The following PDCD6 variants were observed in gnomAD, a reference collection of about 807,000 sequenced individuals.
The protein encoded by PDCD6 is programmed cell death 6.
A neutral mutation model predicts 28.3 loss-of-function variants in PDCD6; 12 were observed. The observed-to-expected ratio is 0.42, with a 90% CI of 0.27 to 0.69. The LOEUF (loss-of-function observed/expected upper bound fraction) is 0.69. Among genes scored for constraint, PDCD6 ranks in the 30% least tolerant of loss-of-function variants. The probability of loss-of-function intolerance (pLI) is 0.22; values close to 1 mark genes in which losing one functional copy is unlikely to be tolerated. For synonymous variants in PDCD6, 92 were observed against 108.0 expected, an observed-to-expected ratio of 0.85 and a Z score of 0.92; for missense variants, 226 against 269.9, an observed-to-expected ratio of 0.84 and a Z score of 1.14.
At chr5:313,426 G>A (rs1365405412) in intron 5 of PDCD6, among the ~76,000 whole-genome samples, 1 of 152,178 alleles carries the variant, frequency 6.6e-6, no homozygotes, top group Non-Finnish European at 1.5e-5. Flanking sequence ...CCTCTGCCAA[G>A]TCAAGGAGCC....
intron 2 of PDCD6, among the ~76,000 whole-genome samples, chr5:294,225 C>T (rs185715822): frequency 2.7e-5 from 4 of 149,846 alleles, no homozygotes. Flanking sequence ...AATTATAATG[C>T]TATAAAGCAA....
In PDCD6 at chr5:310,183, C is replaced by A. The variant is rs3777236; in HGVS notation, c.368-1110C>A. The A allele has an allele frequency of 6.8e-5, 11 of 162,176 alleles. No individual in the cohort carries two copies. The East Asian group carries it at 2.1e-3, about 31-fold the overall frequency. 10.0% of individuals were successfully genotyped at this position (162,176 alleles called of 1,614,324 possible). A position where few individuals can be genotyped will look rare whatever the true frequency, so the allele number is the denominator to read the frequency against. On this transcript the variant is annotated intron_variant, in intron 4 of 5. Coordinates refer to ENST00000264933, the MANE Select transcript of PDCD6 (RefSeq NM_013232.4). ...CAGAAAAAGTGGCAGCTGTTGACAA[C>A]TCTGCCATCTCTTTCTGAATGTAAT...
intron 3 of PDCD6, 76 bp from the exon 4 acceptor site, chr5:306,526 T>C (rs1740497638): frequency 6.5e-7 from 1 of 1,529,496 alleles, no homozygotes; most frequent in Admixed American, 1.7e-5. Context: ...CTCTGAGGGC[T>C]GAGGTCTGGT....
intron 2 of PDCD6, among the ~76,000 whole-genome samples, chr5:280,832 G>A (rs1019999014): frequency 1.3e-5 from 2 of 150,210 alleles, no homozygotes; most frequent in African/African-American, 4.9e-5. Flanking sequence ...TTTAAGAGGG[G>A]AGACCATAGA....
At chr5:309,338 G>A (rs1385692247) in intron 4 of PDCD6, 3 of 155,498 alleles carry the variant, frequency 1.9e-5, no homozygotes, top group Admixed American at 6.5e-5. Flanking sequence ...TCTGGATTTT[G>A]GCTTCTCAGA....
rs1398545803 is a variant in PDCD6 at position 314,578 on chromosome 5, G to C, written c.*63G>C. 1 of 1,166,992 alleles carries C rather than the reference G, an allele frequency of 8.6e-7. No homozygotes were observed. The highest frequency in any genetic ancestry group is 1.3e-6 in the Non-Finnish European group (1 of 776,714). 72.3% of individuals were successfully genotyped at this position (1,166,992 alleles called of 1,614,324 possible). ...AGCCAAAATGTCACAGTTCCTATCT[G>C]TGAGGGAATGGAGCACAGGTGCAGT... is the stretch of plus-strand genomic sequence containing the variant. On this transcript the variant is annotated 3_prime_UTR_variant, in exon 6 of 6. Transcript: ENST00000264933.
At chr5:279,217 C>T (rs540875482) in intron 2 of PDCD6, among the ~76,000 whole-genome samples, 1 of 151,896 alleles carries the variant, frequency 6.6e-6, no homozygotes, top group Non-Finnish European at 1.5e-5. Context: ...AAGAGTATGA[C>T]GCAGCCGCAT....
At chr5:301,427 C>T (rs1235094097) in intron 2 of PDCD6, among the ~76,000 whole-genome samples, 3 of 152,214 alleles carry the variant, frequency 2.0e-5, no homozygotes, top group Non-Finnish European at 4.4e-5. Context: ...TTTCTGTAGC[C>T]TATCTTTGCT....
At position 271,851 on chromosome 5, in the gene PDCD6, C is replaced by T. The variant is rs768261598; in HGVS notation, c.101+30C>T. 6 of 1,249,746 alleles carry T rather than the reference C, an allele frequency of 4.8e-6. No individual in the cohort carries two copies. In the Admixed American group the frequency reaches 1.1e-4, roughly 22 times the overall value. The allele number at this position is 1,249,746 out of a possible 1,614,324, so 77.4% of individuals were successfully genotyped here. On this transcript the variant is annotated intron_variant, in intron 1 of 5. Coordinates refer to ENST00000264933, the MANE Select transcript of PDCD6 (RefSeq NM_013232.4). ...GGCCTGGCACCGCCCGGGCACCTCC[C>T]GCCTCCGCCGCGGCGGCCCCGACCC... is the stretch of plus-strand genomic sequence containing the variant.
intron 2 of PDCD6, among the ~76,000 whole-genome samples, chr5:292,398 A>G (rs1167937268): frequency 6.6e-6 from 1 of 152,102 alleles, no homozygotes; most frequent in Non-Finnish European, 1.5e-5. Flanking sequence ...AGCTGGGATT[A>G]CAGGCGCCCG....
chr5:311,660 A>G (rs1009421664), intron 5 of PDCD6: 6 of 456,336 alleles, frequency 1.3e-5, no homozygotes, highest in East Asian at 8.2e-5. Context: ...ATTTACATGT[A>G]TGTTCTGGTG....
At chr5:292,424 A>G (rs1299078404) in intron 2 of PDCD6, among the ~76,000 whole-genome samples, 1 of 151,736 alleles carries the variant, frequency 6.6e-6, no homozygotes, top group Admixed American at 6.6e-5. Context: ...ACCCCTGGCT[A>G]ATTTTTGTAT....
intron 2 of PDCD6, among the ~76,000 whole-genome samples, chr5:296,682 T>G (rs959964339): frequency 6.6e-6 from 1 of 152,160 alleles, no homozygotes; most frequent in Middle Eastern, 3.2e-3. Context: ...ATTCAGTGGA[T>G]AATTGCAGGC....
intron 2 of PDCD6, among the ~76,000 whole-genome samples, chr5:285,186 C>A (rs1738866335): frequency 1.3e-5 from 2 of 151,806 alleles, no homozygotes; most frequent in African/African-American, 4.8e-5. Flanking sequence ...AGCTGGAGAC[C>A]CAGAGGGGAG....
intron 2 of PDCD6, among the ~76,000 whole-genome samples, chr5:286,099 G>T (rs1738942278): frequency 6.7e-6 from 1 of 149,890 alleles, no homozygotes; most frequent in Admixed American, 6.7e-5. Flanking sequence ...GACCCAGGGG[G>T]GAGCTGATGT....
chr5:300,958 G>C (rs555459949), intron 2 of PDCD6, among the ~76,000 whole-genome samples: 1 of 152,198 alleles, frequency 6.6e-6, no homozygotes, highest in Non-Finnish European at 1.5e-5. Flanking sequence ...ATGCGTGCCC[G>C]TCCAGATGGC....
intron 2 of PDCD6, among the ~76,000 whole-genome samples, chr5:291,852 G>A (rs2126723230): frequency 6.6e-6 from 1 of 152,346 alleles, no homozygotes; most frequent in South Asian, 2.1e-4. Flanking sequence ...GTTTTGTTGG[G>A]AACGTTCTTG....
Position 271,715 on chromosome 5 carries a change from TG to T in PDCD6, c.-4del. The T allele has an allele frequency of 6.6e-7, 1 of 1,523,652 alleles. No homozygotes were observed. The highest frequency in any genetic ancestry group is 8.8e-7 in the Non-Finnish European group (1 of 1,134,206). The allele number at this position is 1,523,652 out of a possible 1,614,324, so 94.4% of individuals were successfully genotyped here. ...GGCGCCTCAGCCCAGCCGCGTGCCTTGGCCCATGGCCGCCTACTCTTACCGC... is the reference window on the plus strand; with the variant it reads ...GGCGCCTCAGCCCAGCCGCGTGCCTTGCCCATGGCCGCCTACTCTTACCGC... On this transcript the variant is annotated 5_prime_UTR_variant, in exon 1 of 6. Transcript: ENST00000264933.
chr5:288,313 C>CGT (rs1739111455), intron 2 of PDCD6, among the ~76,000 whole-genome samples: 2 of 91,944 alleles, frequency 2.2e-5, no homozygotes, highest in Non-Finnish European at 4.8e-5. Flanking sequence ...TATATATATA[C>CGT]ACATATGTAT....
Sources: allele counts gnomAD v4.1 joint callset (sites outside exome capture counted in the v4.1 genomes callset), GRCh38; gene constraint gnomAD v4.1.1; transcripts MANE v1.5; gene names NCBI Gene and HGNC (gene_info 2026-07-23, HGNC 2026-07-21).